The following LRP2 variants were observed in gnomAD, a reference collection of about 807,000 sequenced individuals.
The protein encoded by LRP2 is low-density lipoprotein receptor-related protein 2.
In LRP2, 172 loss-of-function variants were observed where a neutral mutation model predicts 531.0. The ratio of observed to expected loss-of-function variants is 0.32; its 90% CI spans 0.29 to 0.37. The LOEUF is 0.37. Ranked by LOEUF, LRP2 falls within the 10% of genes least tolerant of loss-of-function variation. The pLI is 1.00. For synonymous variants in LRP2, 1,992 were observed against 2,027.6 expected, an observed-to-expected ratio of 0.98 and a Z score of 0.47; for missense variants, 5,167 against 5,868.3, an observed-to-expected ratio of 0.88 and a Z score of 3.90.
intron 1 of LRP2, among the ~76,000 whole-genome samples, chr2:169,358,967 G>C (rs1686072154): frequency 6.7e-6 from 1 of 150,130 alleles, no homozygotes; most frequent in African/African-American, 2.5e-5. Context: ...TCAGAGAACT[G>C]TTAGTGAAAA....
chr2:169,269,928 A>T (rs542358380), intron 16 of LRP2, among the ~76,000 whole-genome samples: 1 of 152,306 alleles, frequency 6.6e-6, no homozygotes, highest in South Asian at 2.1e-4. Context: ...AAACAACCCC[A>T]TCAAAAAGTG....
chr2:169,327,376 G>T (rs1367646346), intron 1 of LRP2, among the ~76,000 whole-genome samples: 1 of 128,712 alleles, frequency 7.8e-6, no homozygotes, highest in African/African-American at 3.0e-5. Flanking sequence ...CTGCCCAGCC[G>T]CCCCTACTGG....
In LRP2 at chr2:169,354,471, C is replaced by T. The variant is rs1685937447; in HGVS notation, c.79+7850G>A. Among the ~76,000 whole-genome samples, 3 of 152,288 alleles carry T rather than the reference C, an allele frequency of 2.0e-5. No homozygotes were observed. In the South Asian group the frequency reaches 6.2e-4, roughly 32 times the overall value. On this transcript the variant is annotated intron_variant, in intron 1 of 78. Coordinates refer to ENST00000649046, the MANE Select transcript of LRP2 (RefSeq NM_004525.3). ...TTACATTTCCTCCTTTCATTCATTT[C>T]TCACTGTTTCCAGTAACCTTGAGGT...
chr2:169,231,965 C>A (rs762572198), intron 30 of LRP2, 123 bp from the exon 31 acceptor site: 61 of 1,221,506 alleles, frequency 5.0e-5, no homozygotes, highest in Non-Finnish European at 6.8e-5. Flanking sequence ...TACGTTGTTA[C>A]CTCTGTTGTT....
At chr2:169,311,412 T>C (rs913731447) in intron 3 of LRP2, among the ~76,000 whole-genome samples, 1 of 152,242 alleles carries the variant, frequency 6.6e-6, no homozygotes, top group Non-Finnish European at 1.5e-5. Context: ...TTTGTTCTCA[T>C]TGGTTTCAAA....
intron 76 of LRP2, 127 bp downstream of exon 76, chr2:169,137,265 C>T: frequency 1.3e-6 from 1 of 767,678 alleles, no homozygotes; most frequent in Non-Finnish European, 2.4e-6. Flanking sequence ...AGGGCAGCTG[C>T]AGCATGGACC....
chr2:169,200,722 G>A lies in LRP2; in HGVS notation c.8452+906C>T, dbSNP rs556632538. ...CTGTAGATTCTAATTACCAACAAAA[G>A]CTGGTAAGGGAAATGTCTTCTTTAT... On this transcript the variant is annotated intron_variant, in intron 44 of 78. Transcript: ENST00000649046. 9.8e-5 allele frequency among the ~76,000 whole-genome samples: 15 copies of A among 152,324 alleles called. 1 individual carries two copies. Among genetic ancestry groups the A allele is most frequent in the South Asian group, 4.1e-4 (2 of 4,830 alleles).
intron 45 of LRP2, among the ~76,000 whole-genome samples, chr2:169,198,434 C>T (rs1688077872): frequency 1.3e-5 from 2 of 152,050 alleles, no homozygotes; most frequent in South Asian, 4.2e-4. Context: ...TTTTCAGTTA[C>T]TGATGGCCAC....
At chr2:169,270,085 T>C (rs1026004036) in intron 16 of LRP2, among the ~76,000 whole-genome samples, 2 of 152,252 alleles carry the variant, frequency 1.3e-5, no homozygotes, top group Middle Eastern at 3.4e-3. Context: ...AGAATGGCGA[T>C]CATTAAAAAG....
At chr2:169,205,772 A>G (rs1345844792) in intron 40 of LRP2, 135 bp from the exon 41 acceptor site, 8 of 987,380 alleles carry the variant, frequency 8.1e-6, no homozygotes, top group Non-Finnish European at 1.2e-5. Context: ...TACTTACACA[A>G]CTTGTCCAAA....
intron 44 of LRP2, among the ~76,000 whole-genome samples, chr2:169,200,062 A>C (rs1199522040): frequency 6.6e-6 from 1 of 152,148 alleles, no homozygotes. Flanking sequence ...CATCCTGGCT[A>C]ACATGGTGAA....
intron 34 of LRP2, among the ~76,000 whole-genome samples, chr2:169,216,942 G>A (rs1391465103): frequency 6.6e-6 from 1 of 152,134 alleles, no homozygotes; most frequent in Non-Finnish European, 1.5e-5. Context: ...AACTGACACA[G>A]AAAATAGGAG....
chr2:169,144,872 C>T lies in LRP2; in HGVS notation c.12988+875G>A, dbSNP rs550596895. Among the ~76,000 whole-genome samples the T allele has an allele frequency of 4.6e-5, 7 of 152,288 alleles. No individual in the cohort carries two copies. In the East Asian group the frequency reaches 1.4e-3, roughly 29 times the overall value. On this transcript the variant is annotated intron_variant, in intron 70 of 78. Coordinates refer to ENST00000649046, the MANE Select transcript of LRP2 (RefSeq NM_004525.3). Reference sequence around the variant, plus strand: ...TCAAAGGCCACATATCCATAGCATTCAACCTGGGACTTTGGCATACTGAAC... The same window carrying T: ...TCAAAGGCCACATATCCATAGCATTTAACCTGGGACTTTGGCATACTGAAC...
At chr2:169,225,276 A>C (rs201952817) in intron 33 of LRP2, 34 bp downstream of exon 33, 1 of 1,604,344 alleles carries the variant, frequency 6.2e-7, no homozygotes, top group East Asian at 2.2e-5. Context: ...ATCTAAATCC[A>C]ATGTTTGTGT....
intron 61 of LRP2, 106 bp downstream of exon 61, chr2:169,168,433 C>T (rs1313263245): frequency 7.1e-7 from 1 of 1,402,032 alleles, no homozygotes; most frequent in African/African-American, 1.4e-5. Flanking sequence ...GTGTCCATTC[C>T]TAAACAATTG....
intron 1 of LRP2, among the ~76,000 whole-genome samples, chr2:169,324,516 C>A (rs1684991061): frequency 6.6e-6 from 1 of 151,062 alleles, no homozygotes; most frequent in African/African-American, 2.4e-5. Flanking sequence ...GGAAAAATTG[C>A]AGCAATTGAA....
rs548980672 is a variant in LRP2, at chr2:169,264,107, G to A, written c.2321-4890C>T. 3.7e-4 allele frequency among the ~76,000 whole-genome samples: 57 copies of A among 152,172 alleles called. No individual in the cohort carries two copies. In the South Asian group the frequency reaches 4.2e-3, roughly 11 times the overall value. On this transcript the variant is annotated intron_variant, in intron 16 of 78. Coordinates refer to ENST00000649046, the MANE Select transcript of LRP2 (RefSeq NM_004525.3). ...TCTGGGGACTGTTGTGGGGTGGCGC[G>A]GGAGGAGGGATAGCATTGGGAGATA... is the stretch of plus-strand genomic sequence containing the variant.
At chr2:169,343,428 T>C (rs996468817) in intron 1 of LRP2, among the ~76,000 whole-genome samples, 4 of 152,234 alleles carry the variant, frequency 2.6e-5, no homozygotes, top group Non-Finnish European at 5.9e-5. Context: ...GCATGGTGGC[T>C]GCTTTGCTGC....
At chr2:169,226,692 C>T (rs1689212293) in intron 31 of LRP2, 104 bp from the exon 32 acceptor site, 2 of 782,828 alleles carry the variant, frequency 2.6e-6, no homozygotes, top group Non-Finnish European at 4.4e-6. Flanking sequence ...GCTAAAATGA[C>T]ATTGCAGCAT....
Sources: gnomAD v4.1 joint callset for allele counts (sites outside exome capture counted in the v4.1 genomes callset) on GRCh38, gnomAD v4.1.1 for gene constraint, MANE v1.5 for transcripts, NCBI Gene and HGNC (gene_info 2026-07-23, HGNC 2026-07-21) for gene names.